IRF4: variants seen among roughly 807,000 people sequenced by gnomAD.
IRF4 encodes the protein lymphocyte-specific interferon regulatory factor.
Under a neutral mutation model 55.5 loss-of-function variants are expected in IRF4, and 13 were observed. The observed-to-expected ratio is 0.23, with a 90% CI of 0.15 to 0.37. The LOEUF (loss-of-function observed/expected upper bound fraction) is 0.37. Ranked by LOEUF, IRF4 falls within the 10% of genes least tolerant of loss-of-function variation. IRF4 has a pLI of 1.00. For missense variants in IRF4, 397 were observed against 593.8 expected (o/e 0.67, Z 3.44); for synonymous variants, 249 against 240.7 (o/e 1.03, Z -0.32).
intron 1 of IRF4, among the ~76,000 whole-genome samples, chr6:392,738 G>A (rs1164835213): frequency 6.6e-6 from 1 of 152,220 alleles, no homozygotes; most frequent in Non-Finnish European, 1.5e-5. Flanking sequence ...GCAAGCGAGA[G>A]CTGCGAGTGA....
At chr6:395,536 A>G (rs1441466051) in intron 3 of IRF4, among the ~76,000 whole-genome samples, 3 of 152,194 alleles carry the variant, frequency 2.0e-5, no homozygotes, top group Non-Finnish European at 2.9e-5. Context: ...CATCTGGAAC[A>G]AATCCTTCAG....
rs763891187 is a variant in IRF4 at position 397,208 on chromosome 6, T to C, written c.593T>C (p.Phe198Ser). Residue 198 changes from phenylalanine (F) to serine (S), a missense_variant, in exon 5 of 9, where the codon TTT becomes TCT. Around this residue, in one of 3 missense-constraint regions of IRF4, gnomAD observed 341 missense variants for 548.1 expected, o/e 0.62. Transcript: ENST00000380956. The stretch of plus-strand genomic sequence containing the variant: ...ATCCCGTACCAATGTCCCATGACGT[T>C]TGGACCCCGCGGCCACCACTGGCAA... ...PEIPYQCPMT[F>S]GPRGHHWQGP... 2.5e-6 allele frequency: 4 copies of C among 1,614,166 alleles called. No homozygotes were observed. In the Admixed American group the frequency reaches 6.7e-5, roughly 27 times the overall value.
intron 7 of IRF4, among the ~76,000 whole-genome samples, chr6:402,730 C>T (rs1388695888): frequency 3.3e-5 from 5 of 152,326 alleles, no homozygotes; most frequent in South Asian, 2.1e-4. Flanking sequence ...GCAAATATGT[C>T]CCCAGATAAC....
intron 6 of IRF4, among the ~76,000 whole-genome samples, chr6:401,118 A>G (rs1222010806): frequency 2.0e-5 from 3 of 152,200 alleles, no homozygotes; most frequent in South Asian, 4.1e-4. Flanking sequence ...TGAAAGATAC[A>G]CTTGTTCCTT....
chr6:402,399 C>T (rs569353543), intron 7 of IRF4, among the ~76,000 whole-genome samples: 260 of 151,722 alleles, frequency 1.7e-3, no homozygotes, highest in African/African-American at 6.1e-3. Context: ...TGGGCTTCCT[C>T]ACTGGCTTTG....
rs147454166 is a variant in IRF4, at chr6:398,878, G to A, written c.688G>A (p.Ala230Thr). 24 of 1,613,576 alleles carry A rather than the reference G, an allele frequency of 1.5e-5. No individual in the cohort carries two copies. Among genetic ancestry groups the A allele is most frequent in the Non-Finnish European group, 1.9e-5 (22 of 1,179,886 alleles). ...FYACAPPESQ[A>T]PGVPTEPSIR... ...TGCTTGTGCCCCACCTGAGTCCCAG[G>A]CTCCCGGAGTCCCCACAGAGCCAAG... Residue 230 changes from alanine to threonine, a missense_variant, in exon 6 of 9, where the codon GCT becomes ACT. By Grantham distance (58) the Ala-to-Thr change is moderately conservative. Around this residue, in one of 3 missense-constraint regions of IRF4, gnomAD observed 341 missense variants for 548.1 expected, o/e 0.62. Coordinates refer to ENST00000380956, the MANE Select transcript of IRF4 (RefSeq NM_002460.4).
intron 5 of IRF4, chr6:397,461 C>T (rs2127438255): frequency 5.3e-6 from 3 of 568,470 alleles, no homozygotes; most frequent in East Asian, 2.9e-5. Flanking sequence ...ATGCTAGGCA[C>T]TGCCCTTCGT....
intron 7 of IRF4, among the ~76,000 whole-genome samples, chr6:403,642 G>A (rs778566970): frequency 6.6e-6 from 1 of 152,208 alleles, no homozygotes; most frequent in Non-Finnish European, 1.5e-5. Context: ...GCAAGAGCTG[G>A]TCTTGGCTTT....
chr6:403,161 A>G (rs1292034079), intron 7 of IRF4, among the ~76,000 whole-genome samples: 1 of 152,208 alleles, frequency 6.6e-6, no homozygotes, highest in African/African-American at 2.4e-5. Flanking sequence ...TCTCATTCTA[A>G]GGGCAGAACC....
intron 8 of IRF4, among the ~76,000 whole-genome samples, chr6:405,933 T>C (rs1471422488): frequency 1.3e-5 from 2 of 152,234 alleles, no homozygotes; most frequent in Non-Finnish European, 2.9e-5. Flanking sequence ...GCTTGCATGC[T>C]GAGCAATACC....
At chr6:399,246 C>G (rs998866136) in intron 6 of IRF4, among the ~76,000 whole-genome samples, 5 of 152,190 alleles carry the variant, frequency 3.3e-5, no homozygotes, top group African/African-American at 1.2e-4. Flanking sequence ...GAGGGCCCCT[C>G]TTCAGCCAAC....
intron 6 of IRF4, among the ~76,000 whole-genome samples, chr6:400,019 T>A (rs748099419): frequency 1.3e-5 from 2 of 152,172 alleles, no homozygotes; most frequent in African/African-American, 2.4e-5. Context: ...TCGTGATTTC[T>A]GATGACATTA....
rs1761314999 is a variant in IRF4 at position 407,480 on chromosome 6, T to G, written c.1238T>G (p.Leu413Arg). The change falls in exon 9 of 9, where the codon CTA becomes CGA. Residue 413 changes from leucine (L) to arginine (R), a missense_variant. Leu to Arg is a moderately radical substitution (Grantham distance 102). This residue lies in a region of IRF4 where 341 missense variants were observed against 548.1 expected (regional missense o/e 0.62). Transcript: ENST00000380956. ...AHVEPLLARQ[L>R]YYFAQQNSGH... is the part of the protein sequence containing the mutation. ...GTAGAACCTCTGCTAGCCAGACAAC[T>G]ATATTATTTTGCTCAACAAAACAGT... is the stretch of plus-strand genomic sequence containing the variant. 1.2e-6 allele frequency: 2 copies of G among 1,607,904 alleles called. No individual in the cohort carries two copies. Among genetic ancestry groups the G allele is most frequent in the Non-Finnish European group, 1.7e-6 (2 of 1,178,358 alleles).
intron 2 of IRF4, 129 bp from the exon 3 acceptor site, chr6:394,692 C>T: frequency 2.4e-6 from 2 of 839,362 alleles, no homozygotes; most frequent in South Asian, 3.4e-5. Flanking sequence ...GAGTTCGATG[C>T]TGCGGTGAGC....
Position 393,203 on chromosome 6 carries a change from G to T in IRF4, c.51G>T (p.Val17=). The T allele has an allele frequency of 6.4e-7, 1 of 1,558,868 alleles. No homozygotes were observed. ...GCGGAGAGTTCGGCATGAGCGCGGTGAGCTGCGGCAACGGGAAGCTCCGCC... is the reference window on the plus strand; with the variant it reads ...GCGGAGAGTTCGGCATGAGCGCGGTTAGCTGCGGCAACGGGAAGCTCCGCC... ...GRGGEFGMSA[V]SCGNGKLRQW... Residue 17 remains valine (V), a synonymous_variant, in exon 2 of 9, where the codon GTG becomes GTT. Transcript: ENST00000380956. This position sits in a 1 kb window ranked among gnomAD's most constrained non-coding sequence, Gnocchi z 5.4.
Position 393,973 on chromosome 6 carries a change from G to A in IRF4, c.216+605G>A, listed in dbSNP as rs78519256. On this transcript the variant is annotated intron_variant, in intron 2 of 8. Transcript: ENST00000380956. This position sits in a 1 kb window ranked among gnomAD's most constrained non-coding sequence, Gnocchi z 5.4. ...TTCCCCCATCGCAGTGGAACTCAGG[G>A]CCTCTGTCTAGAGCTGTCTCCCTTG... is the stretch of plus-strand genomic sequence containing the variant. Among the ~76,000 whole-genome samples, 4,137 of 152,242 alleles carry A rather than the reference G, an allele frequency of 0.027. 165 individuals are homozygous for A. The highest frequency in any genetic ancestry group is 0.094 in the African/African-American group (3,894 of 41,532).
At chr6:401,164 T>C (rs536121366) in intron 6 of IRF4, among the ~76,000 whole-genome samples, 2 of 152,340 alleles carry the variant, frequency 1.3e-5, no homozygotes, top group East Asian at 3.9e-4. Flanking sequence ...GTTTGTAATA[T>C]GCTGGTTTAG....
chr6:395,956 C>A (rs1761242601), intron 4 of IRF4, 21 bp downstream of exon 4: 5 of 1,591,596 alleles, frequency 3.1e-6, no homozygotes, highest in African/African-American at 1.3e-5. Context: ...GGGCACTGGG[C>A]TCCCTGAGGG....
chr6:408,373 T>C lies in IRF4; in HGVS notation c.*775T>C, dbSNP rs41301859. The C allele has an allele frequency of 0.023, 5,329 of 231,820 alleles. 89 individuals are homozygous for C. Among genetic ancestry groups the C allele is most frequent in the Middle Eastern group, 0.052 (40 of 774 alleles). 14.4% of individuals were successfully genotyped at this position (231,820 alleles called of 1,614,324 possible). A position where few individuals can be genotyped will look rare whatever the true frequency, so the allele number is the denominator to read the frequency against. The stretch of plus-strand genomic sequence containing the variant: ...CCTGCCAGCGGTTTCCTGGTGTGGG[T>C]CCCTCTGCCCCGCCCTCCTTCCCAT... On this transcript the variant is annotated 3_prime_UTR_variant, in exon 9 of 9. Coordinates refer to ENST00000380956, the MANE Select transcript of IRF4 (RefSeq NM_002460.4).
Sources: gnomAD v4.1 joint callset for allele counts (sites outside exome capture counted in the v4.1 genomes callset) on GRCh38, gnomAD v4.1.1 for gene constraint, gnomAD v4.1.1 regional missense constraint, Gnocchi (gnomAD v3.1) non-coding constraint, MANE v1.5 for transcripts, NCBI Gene and HGNC (gene_info 2026-07-23, HGNC 2026-07-21) for gene names.